Variants in DLG2 observed in about 807,000 individuals in gnomAD.
DLG2 encodes the protein discs large MAGUK scaffold protein 2.
DLG2 carries 45 observed loss-of-function variants against 132.5 expected under a neutral mutation model. The ratio of observed to expected loss-of-function variants is 0.34; its 90% CI spans 0.27 to 0.44. The LOEUF is 0.44. Ranked by LOEUF, DLG2 falls within the 20% of genes least tolerant of loss-of-function variation. DLG2 has a pLI of 1.00. For missense variants in DLG2, 1,045 were observed against 1,196.9 expected (o/e 0.87, Z 1.87); for synonymous variants, 424 against 419.6 (o/e 1.01, Z -0.13).
At chr11:85,564,278 T>A (rs1028990426) in intron 3 of DLG2, among the ~76,000 whole-genome samples, 1 of 151,992 alleles carries the variant, frequency 6.6e-6, no homozygotes, top group Non-Finnish European at 1.5e-5. Flanking sequence ...GTTCATTTTT[T>A]CCTTTTTACT....
chr11:84,648,930 A>C (rs915897660), intron 6 of DLG2, among the ~76,000 whole-genome samples: 4 of 152,200 alleles, frequency 2.6e-5, no homozygotes, highest in African/African-American at 7.2e-5. Context: ...GTATTCCCTT[A>C]TAACAACACA....
chr11:83,699,731 T>C (rs1566594198), intron 18 of DLG2, among the ~76,000 whole-genome samples: 1 of 128,620 alleles, frequency 7.8e-6, no homozygotes, highest in Non-Finnish European at 1.6e-5. Flanking sequence ...AATAATAATT[T>C]AAAAATAATA....
chr11:84,256,155 A>T (rs1341765445), intron 7 of DLG2, among the ~76,000 whole-genome samples: 1 of 151,754 alleles, frequency 6.6e-6, no homozygotes, highest in African/African-American at 2.4e-5. Context: ...CTTCCAAGAG[A>T]CTCTAAATAA....
chr11:85,386,488 T>A (rs2086334916), intron 3 of DLG2, among the ~76,000 whole-genome samples: 1 of 152,194 alleles, frequency 6.6e-6, no homozygotes, highest in Non-Finnish European at 1.5e-5. Flanking sequence ...TGTTCTTTTT[T>A]CAACTGTAAA....
chr11:84,040,495 T>C (rs1032873539), intron 11 of DLG2, among the ~76,000 whole-genome samples: 1,997 of 151,972 alleles, frequency 0.013, 39 homozygotes, highest in African/African-American at 0.043. Flanking sequence ...CCCCATTGCC[T>C]GTTTTTCTCA....
intron 6 of DLG2, among the ~76,000 whole-genome samples, chr11:84,794,136 A>G (rs901974735): frequency 6.6e-6 from 1 of 152,234 alleles, no homozygotes; most frequent in East Asian, 1.9e-4. Flanking sequence ...ATGATAATTT[A>G]TCACTGATTA....
At chr11:84,175,064 G>A (rs1274945389) in intron 8 of DLG2, among the ~76,000 whole-genome samples, 1 of 152,186 alleles carries the variant, frequency 6.6e-6, no homozygotes, top group Admixed American at 6.5e-5. Context: ...CTGATGGAAA[G>A]TATGTGCTCA....
chr11:85,346,435 G>T (rs1024907711), intron 3 of DLG2, among the ~76,000 whole-genome samples: 8 of 151,958 alleles, frequency 5.3e-5, no homozygotes, highest in Non-Finnish European at 8.8e-5. Flanking sequence ...TGATCTGCCC[G>T]CCTCGGCCTC....
At chr11:83,873,508 G>C (rs538726204) in intron 16 of DLG2, among the ~76,000 whole-genome samples, 2 of 152,228 alleles carry the variant, frequency 1.3e-5, no homozygotes, top group South Asian at 4.1e-4. Flanking sequence ...CTTTCTTGCT[G>C]CCATGTAAGA....
At chr11:84,545,361 A>G in intron 6 of DLG2, 1 of 527,736 alleles carries the variant, frequency 1.9e-6, no homozygotes, top group Non-Finnish European at 3.6e-6. Context: ...CAAATCCATT[A>G]TAGCCATCCC....
intron 8 of DLG2, among the ~76,000 whole-genome samples, chr11:84,218,415 T>C (rs2096869052): frequency 1.2e-5 from 1 of 82,600 alleles, no homozygotes. Context: ...GAAGGAAGGA[T>C]TGACAGAAGG....
chr11:85,424,436 G>T (rs535961285), intron 3 of DLG2, among the ~76,000 whole-genome samples: 5 of 152,094 alleles, frequency 3.3e-5, no homozygotes, highest in African/African-American at 2.4e-5. Context: ...CCTCCCATCC[G>T]CCATGACCCC....
intron 18 of DLG2, among the ~76,000 whole-genome samples, chr11:83,659,795 G>A (rs1052605672): frequency 1.3e-5 from 2 of 152,132 alleles, no homozygotes; most frequent in Admixed American, 1.3e-4. Flanking sequence ...ATACTAAACT[G>A]TATTGTATTA....
Position 85,268,304 on chromosome 11 carries a change from T to G in DLG2, c.186+16916A>C, listed in dbSNP as rs2077337275. Among the ~76,000 whole-genome samples, 4 of 152,328 alleles carry G rather than the reference T, an allele frequency of 2.6e-5. No homozygotes were observed. The Middle Eastern group carries it at 0.01, about 389-fold the overall frequency. On this transcript the variant is annotated intron_variant, in intron 4 of 27. Coordinates refer to ENST00000376104, the MANE Select transcript of DLG2 (RefSeq NM_001142699.3). ...TTCTTTGGAAAGGCTAATCAGAAAC[T>G]TAAAAGAATGCAACCATTAGTCTCT...
intron 3 of DLG2, among the ~76,000 whole-genome samples, chr11:85,571,166 T>C (rs2077823158): frequency 6.6e-6 from 1 of 152,162 alleles, no homozygotes; most frequent in African/African-American, 2.4e-5. Flanking sequence ...CTTTCTTGTT[T>C]CTTTGCATGT....
chr11:84,735,035 T>C (rs1212105918), intron 6 of DLG2, among the ~76,000 whole-genome samples: 1 of 152,150 alleles, frequency 6.6e-6, no homozygotes, highest in Non-Finnish European at 1.5e-5. Context: ...CTGGATTCAG[T>C]TTGCCAGTAT....
chr11:84,472,531 C>A (rs907786699), intron 7 of DLG2, among the ~76,000 whole-genome samples: 6 of 151,740 alleles, frequency 4.0e-5, no homozygotes, highest in Admixed American at 3.3e-4. Context: ...TTTGTGTAAT[C>A]CTTTTAACAA....
intron 21 of DLG2, among the ~76,000 whole-genome samples, chr11:83,525,100 A>C (rs2095573896): frequency 6.6e-6 from 1 of 152,224 alleles, no homozygotes; most frequent in African/African-American, 2.4e-5. Flanking sequence ...GTCATCAGCA[A>C]CTTGAGACAA....
chr11:84,370,737 GC>G (rs2098702747), intron 7 of DLG2, among the ~76,000 whole-genome samples: 1 of 152,092 alleles, frequency 6.6e-6, no homozygotes, highest in Non-Finnish European at 1.5e-5. Flanking sequence ...TTAGGTCTCT[GC>G]GTTATAGGTT....
Sources: gnomAD v4.1 joint callset for allele counts (sites outside exome capture counted in the v4.1 genomes callset) on GRCh38, gnomAD v4.1.1 for gene constraint, MANE v1.5 for transcripts, NCBI Gene and HGNC (gene_info 2026-07-23, HGNC 2026-07-21) for gene names.